MMS22L: variants seen among roughly 807,000 people sequenced by gnomAD.
MMS22L encodes the protein protein MMS22-like.
In MMS22L, 74 loss-of-function variants were observed where a neutral mutation model predicts 159.1. The observed-to-expected ratio is 0.47, with a 90% confidence interval of 0.39 to 0.56. MMS22L has a LOEUF of 0.56. Among genes scored for constraint, MMS22L ranks in the 20% least tolerant of loss-of-function variants. The probability of loss-of-function intolerance (pLI) is 0.00; values close to 1 mark genes in which losing one functional copy is unlikely to be tolerated. For missense variants in MMS22L, 1,351 were observed against 1,422.1 expected (o/e 0.95, Z 0.80); for synonymous variants, 517 against 506.9 (o/e 1.02, Z -0.27).
At chr6:97,182,449 C>G (rs927866391) in intron 15 of MMS22L, among the ~76,000 whole-genome samples, 11 of 152,130 alleles carry the variant, frequency 7.2e-5, no homozygotes, top group African/African-American at 2.4e-4. Context: ...CACAGGTGAA[C>G]AGTTCCTTCT....
At chr6:97,236,268 G>A (rs764662122) in intron 11 of MMS22L, among the ~76,000 whole-genome samples, 17 of 146,154 alleles carry the variant, frequency 1.2e-4, no homozygotes, top group Non-Finnish European at 2.2e-4. Flanking sequence ...GGAGCCAGAC[G>A]TTGCAGTGAG....
chr6:97,152,749 C>A (rs1801438925), intron 22 of MMS22L, among the ~76,000 whole-genome samples: 1 of 150,924 alleles, frequency 6.6e-6, no homozygotes. Flanking sequence ...AAACTTTTTA[C>A]AACTTTTTAA....
intron 22 of MMS22L, among the ~76,000 whole-genome samples, chr6:97,155,380 T>C (rs1801726769): frequency 6.6e-6 from 1 of 152,166 alleles, no homozygotes; most frequent in Admixed American, 6.6e-5. Flanking sequence ...TTGTTACATA[T>C]GTATACATGT....
At chr6:97,183,849 T>A (rs943385607) in intron 15 of MMS22L, among the ~76,000 whole-genome samples, 1 of 152,148 alleles carries the variant, frequency 6.6e-6, no homozygotes, top group African/African-American at 2.4e-5. Flanking sequence ...TTTGGAGCAT[T>A]CCTGTCAGCA....
chr6:97,180,196 G>A (rs1804566226), intron 16 of MMS22L, among the ~76,000 whole-genome samples: 1 of 152,014 alleles, frequency 6.6e-6, no homozygotes, highest in Admixed American at 6.6e-5. Flanking sequence ...CTGCCTCCCG[G>A]GTTCACGCCA....
chr6:97,157,364 G>A (rs1432772896), intron 22 of MMS22L, among the ~76,000 whole-genome samples: 1 of 152,184 alleles, frequency 6.6e-6, no homozygotes, highest in African/African-American at 2.4e-5. Flanking sequence ...TGTTGAAGAG[G>A]AGTGATGAGA....
At chr6:97,160,735 A>G (rs1802356723) in intron 22 of MMS22L, among the ~76,000 whole-genome samples, 1 of 151,878 alleles carries the variant, frequency 6.6e-6, no homozygotes, top group South Asian at 2.1e-4. Context: ...TGTTGTATAT[A>G]TGGTGCACTT....
chr6:97,227,419 T>C (rs1810382821), intron 14 of MMS22L, among the ~76,000 whole-genome samples: 1 of 152,206 alleles, frequency 6.6e-6, no homozygotes. Flanking sequence ...TCTTGTTTTG[T>C]ATATTCAGAC....
At chr6:97,148,602 T>C (rs971122025) in intron 24 of MMS22L, among the ~76,000 whole-genome samples, 1 of 152,016 alleles carries the variant, frequency 6.6e-6, no homozygotes, top group Non-Finnish European at 1.5e-5. Flanking sequence ...AGAAAAAAGC[T>C]TATTCAAGAA....
intron 3 of MMS22L, among the ~76,000 whole-genome samples, chr6:97,279,983 T>C (rs1816614051): frequency 1.3e-5 from 2 of 152,314 alleles, no homozygotes; most frequent in Non-Finnish European, 2.9e-5. Flanking sequence ...TTCTTCCTAG[T>C]TGATTTCAAA....
At chr6:97,186,927 T>C (rs1447380105) in intron 14 of MMS22L, among the ~76,000 whole-genome samples, 1 of 152,234 alleles carries the variant, frequency 6.6e-6, no homozygotes, top group Non-Finnish European at 1.5e-5. Context: ...CTTTTTAATA[T>C]GTCAGATCCA....
At chr6:97,273,720 C>T (rs1450935703) in intron 4 of MMS22L, among the ~76,000 whole-genome samples, 2 of 152,080 alleles carry the variant, frequency 1.3e-5, no homozygotes, top group African/African-American at 4.8e-5. Context: ...TCTTGCATTT[C>T]CTTTAACCTC....
At chr6:97,151,889 T>C in intron 22 of MMS22L, 22 bp from the exon 23 acceptor site, 1 of 1,579,320 alleles carries the variant, frequency 6.3e-7, no homozygotes, top group Non-Finnish European at 8.7e-7. Context: ...AATTACAGCA[T>C]TAGGCACTGT....
chr6:97,211,120 C>T lies in MMS22L; in HGVS notation c.2039+17774G>A, dbSNP rs540266488. ...CACAGAAGCATTCAAAAAACATTTG[C>T]TGAATTACATTGGAATTCCTCTTAG... is the stretch of plus-strand genomic sequence containing the variant. On this transcript the variant is annotated intron_variant, in intron 14 of 24. Transcript: ENST00000683635. Among the ~76,000 whole-genome samples, 27 of 152,050 alleles carry T rather than the reference C, an allele frequency of 1.8e-4. No homozygotes were observed. The South Asian group carries it at 5.6e-3, about 32-fold the overall frequency.
chr6:97,227,923 A>G (rs908188686), intron 14 of MMS22L, among the ~76,000 whole-genome samples: 6 of 152,258 alleles, frequency 3.9e-5, no homozygotes, highest in East Asian at 3.8e-4. Context: ...TGTATTTAAC[A>G]TATCTGCATA....
At position 97,186,522 on chromosome 6, in the gene MMS22L, G is replaced by A; in HGVS notation, c.2208C>T (p.Phe736=). 1.2e-6 allele frequency: 2 copies of A among 1,612,456 alleles called. No individual in the cohort carries two copies. Among genetic ancestry groups the A allele is most frequent in the South Asian group, 2.2e-5 (2 of 90,912 alleles). Residue 736 remains phenylalanine, a synonymous_variant, in exon 15 of 25, where the codon TTC becomes TTT. Coordinates refer to ENST00000683635, the MANE Select transcript of MMS22L (RefSeq NM_001350599.2). ...CTGCAGCTGCATCCGCAAGTTGTGA[G>A]AAAGGCACTACCTGTGACATTCTCT... ...KSQRMSQVVP[F]SQLADAAADF...
At chr6:97,179,652 A>T in intron 16 of MMS22L, 93 bp from the exon 17 acceptor site, 1 of 1,108,638 alleles carries the variant, frequency 9.0e-7, no homozygotes, top group Non-Finnish European at 1.2e-6. Flanking sequence ...ACATCCCTGC[A>T]ACTCCTTGGC....
chr6:97,175,041 C>A lies in MMS22L; in HGVS notation c.2680-1819G>T, dbSNP rs1246256063. 2.0e-5 allele frequency among the ~76,000 whole-genome samples: 3 copies of A among 152,082 alleles called. No individual in the cohort carries two copies. In the East Asian group the frequency reaches 5.8e-4, roughly 29 times the overall value. ...ACTCTTTGGTCTCTGTTCCCTTTTG[C>A]ACACTTAAAAATGGAGGATCTTGAA... On this transcript the variant is annotated intron_variant, in intron 18 of 24. Transcript: ENST00000683635.
At chr6:97,282,828 G>A (rs1816890276) in intron 1 of MMS22L, among the ~76,000 whole-genome samples, 1 of 152,078 alleles carries the variant, frequency 6.6e-6, no homozygotes, top group African/African-American at 2.4e-5. Flanking sequence ...TAGCGTCCCG[G>A]GCTTGCCTAG....
Sources: gnomAD v4.1 joint callset for allele counts (sites outside exome capture counted in the v4.1 genomes callset) on GRCh38, gnomAD v4.1.1 for gene constraint, MANE v1.5 for transcripts, NCBI Gene and HGNC (gene_info 2026-07-23, HGNC 2026-07-21) for gene names.